The following ZFYVE27 variants were observed in gnomAD, a reference collection of about 807,000 sequenced individuals.
ZFYVE27 encodes protrudin.
Under a neutral mutation model 52.8 loss-of-function variants are expected in ZFYVE27, and 36 were observed. That is an observed-to-expected ratio of 0.68 (90% CI 0.52 to 0.90). ZFYVE27 has a LOEUF of 0.90. ZFYVE27 is among the 40% of genes least tolerant of loss of function. ZFYVE27 has a pLI of 0.00. For synonymous variants in ZFYVE27, 223 were observed against 215.6 expected (o/e 1.03, Z -0.30); for missense variants, 450 against 527.2 (o/e 0.85, Z 1.43).
At chr10:97,751,546 A>C in intron 8 of ZFYVE27, 84 bp downstream of exon 8, 1 of 1,387,292 alleles carries the variant, frequency 7.2e-7, no homozygotes, top group Admixed American at 1.8e-5. Context: ...TTGTTTTTTA[A>C]TGTCCAAGTG....
Position 97,752,844 on chromosome 10 carries a change from C to T in ZFYVE27, c.877-13C>T. ...TCTGTTTTCTCTCCTCTTCCCCGCACCTTGGGAGGCAGGAGACCCACTTGG... is the reference window on the plus strand; with the variant it reads ...TCTGTTTTCTCTCCTCTTCCCCGCATCTTGGGAGGCAGGAGACCCACTTGG... On this transcript the variant is annotated splice_polypyrimidine_tract_variant and intron_variant, in intron 8 of 12. Transcript: ENST00000684270. 2 of 1,613,788 alleles carry T rather than the reference C, an allele frequency of 1.2e-6. No individual in the cohort carries two copies. Among genetic ancestry groups the T allele is most frequent in the Non-Finnish European group, 1.7e-6 (2 of 1,179,884 alleles).
At chr10:97,740,419 A>G (rs1283818644) in intron 2 of ZFYVE27, among the ~76,000 whole-genome samples, 3 of 152,346 alleles carry the variant, frequency 2.0e-5, no homozygotes, top group South Asian at 4.1e-4. Context: ...TAATCTCAGC[A>G]TGATGTGAAG....
chr10:97,752,783 T>G, intron 8 of ZFYVE27, 74 bp from the exon 9 acceptor site: 1 of 1,565,412 alleles, frequency 6.4e-7, no homozygotes, highest in South Asian at 1.2e-5. Flanking sequence ...TGGGGGCCCC[T>G]CCAGGTAGCT....
At position 97,745,449 on chromosome 10, in the gene ZFYVE27, A is replaced by G. The variant is rs556338161; in HGVS notation, c.455+534A>G. On this transcript the variant is annotated intron_variant, in intron 4 of 12. Transcript: ENST00000684270. Reference sequence around the variant, plus strand: ...CCGCCTCGGCCTCCCAAAATGCTGGAATTACAGGCGTGAGCCACCACGCCT... The same window carrying G: ...CCGCCTCGGCCTCCCAAAATGCTGGGATTACAGGCGTGAGCCACCACGCCT... Among the ~76,000 whole-genome samples, 581 of 150,384 alleles carry G rather than the reference A, an allele frequency of 3.9e-3. 11 individuals are homozygous for G. Among genetic ancestry groups the G allele is most frequent in the African/African-American group, 0.014 (549 of 39,816 alleles).
chr10:97,753,007 T>C (rs1369345695), intron 9 of ZFYVE27, 31 bp from the exon 10 acceptor site: 1 of 1,611,744 alleles, frequency 6.2e-7, no homozygotes, highest in East Asian at 2.2e-5. Context: ...TTGCAAGAGG[T>C]GGGCAGGACT....
At position 97,756,083 on chromosome 10, in the gene ZFYVE27, T is replaced by A. The variant is rs79072847; in HGVS notation, c.1043-1182T>A. On this transcript the variant is annotated intron_variant, in intron 10 of 12. Coordinates refer to ENST00000684270, the MANE Select transcript of ZFYVE27 (RefSeq NM_001385875.1). ...CATTCCATTCAGTTTAGAGGAGACC[T>A]TGGGCTCAGGTCAGTGTCAGTCTTT... Among the ~76,000 whole-genome samples the A allele has an allele frequency of 9.5e-4, 144 of 152,276 alleles. 4 individuals carry two copies. The East Asian group carries it at 0.027, about 29-fold the overall frequency.
intron 3 of ZFYVE27, 78 bp downstream of exon 3, chr10:97,743,242 T>TA: frequency 1.3e-6 from 2 of 1,496,666 alleles, no homozygotes; most frequent in Non-Finnish European, 1.9e-6. Context: ...CCCCACCCTA[T>TA]GTGTGGGAGC....
intron 2 of ZFYVE27, among the ~76,000 whole-genome samples, chr10:97,740,533 C>A (rs991069174): frequency 6.6e-5 from 10 of 152,160 alleles, no homozygotes; most frequent in African/African-American, 2.4e-4. Context: ...CTGTCCTGCC[C>A]GTCTCCTTTT....
intron 10 of ZFYVE27, chr10:97,754,619 T>C: frequency 7.8e-7 from 1 of 1,277,300 alleles, no homozygotes; most frequent in South Asian, 1.3e-5. Flanking sequence ...CCGGCCCCTT[T>C]GTTTTATTTA....
intron 3 of ZFYVE27, 72 bp from the exon 4 acceptor site, chr10:97,744,657 A>T (rs2044681102): frequency 6.4e-7 from 1 of 1,571,182 alleles, no homozygotes; most frequent in Non-Finnish European, 8.7e-7. Context: ...AGGAACAAGC[A>T]GTGGGCGTCT....
chr10:97,758,792 G>A (rs11189361), intron 12 of ZFYVE27, among the ~76,000 whole-genome samples: 97,779 of 151,826 alleles, frequency 0.64, 32,954 homozygotes, highest in Non-Finnish European at 0.76. Context: ...TACTTATTCT[G>A]TTTTTTTGAG....
intron 6 of ZFYVE27, 128 bp from the exon 7 acceptor site, chr10:97,750,203 T>G (rs2136193551): frequency 8.3e-7 from 1 of 1,205,684 alleles, no homozygotes. Flanking sequence ...TCGCTCAGAG[T>G]TAGGAGGGTG....
intron 3 of ZFYVE27, 97 bp from the exon 4 acceptor site, chr10:97,744,632 G>T: frequency 6.9e-7 from 1 of 1,442,744 alleles, no homozygotes; most frequent in South Asian, 1.2e-5. Flanking sequence ...GACTGGCAGA[G>T]CCCTGGAGGA....
At chr10:97,754,300 T>C (rs529481907) in intron 10 of ZFYVE27, among the ~76,000 whole-genome samples, 248 of 144,134 alleles carry the variant, frequency 1.7e-3, no homozygotes, top group Admixed American at 3.5e-3. Context: ...TGTCCCCCAG[T>C]TATTCAAGAT....
At position 97,754,590 on chromosome 10, in the gene ZFYVE27, C is replaced by T. The variant is rs2047867553; in HGVS notation, c.1042+1408C>T. The T allele has an allele frequency of 4.0e-6, 5 of 1,238,808 alleles. No homozygotes were observed. The Admixed American group carries it at 1.3e-4, about 33-fold the overall frequency. The allele number at this position is 1,238,808 out of a possible 1,614,324, so 76.7% of individuals were successfully genotyped here. A position where few individuals can be genotyped will look rare whatever the true frequency, so the allele number is the denominator to read the frequency against. On this transcript the variant is annotated intron_variant, in intron 10 of 12. Transcript: ENST00000684270. ...TTGGTCTTCCAAAGTGTTAGGATTA[C>T]AAGTGTGAGCCACCACGCCCGGCCC... is the stretch of plus-strand genomic sequence containing the variant.
At chr10:97,743,845 C>T (rs1007416108) in intron 3 of ZFYVE27, among the ~76,000 whole-genome samples, 5 of 152,130 alleles carry the variant, frequency 3.3e-5, no homozygotes, top group African/African-American at 1.2e-4. Context: ...GTGACCCTAC[C>T]CTATCCGTGG....
intron 10 of ZFYVE27, among the ~76,000 whole-genome samples, chr10:97,753,406 G>T (rs893945511): frequency 3.9e-5 from 6 of 152,150 alleles, no homozygotes; most frequent in Non-Finnish European, 7.4e-5. Context: ...CCTCCATCCT[G>T]ATTGGACATT....
intron 7 of ZFYVE27, 74 bp from the exon 8 acceptor site, chr10:97,751,317 T>C (rs2046931489): frequency 6.5e-7 from 1 of 1,538,636 alleles, no homozygotes; most frequent in Admixed American, 1.7e-5. Context: ...GATGCTGGCT[T>C]GGGGAGGTGG....
At chr10:97,758,358 T>C (rs1476499400) in intron 12 of ZFYVE27, among the ~76,000 whole-genome samples, 1 of 150,876 alleles carries the variant, frequency 6.6e-6, no homozygotes, top group Admixed American at 6.6e-5. Context: ...AGTTTCACTC[T>C]TGTTGCCCAG....
Sources: gnomAD v4.1 joint callset for allele counts (sites outside exome capture counted in the v4.1 genomes callset) on GRCh38, gnomAD v4.1.1 for gene constraint, MANE v1.5 for transcripts, NCBI Gene and HGNC (gene_info 2026-07-23, HGNC 2026-07-21) for gene names.